The following TBC1D1 variants were observed in gnomAD, a reference collection of about 807,000 sequenced individuals.
The protein encoded by TBC1D1 is TBC1 (tre-2/USP6, BUB2, cdc16) domain family, member 1.
A neutral mutation model predicts 125.6 loss-of-function variants in TBC1D1; 89 were observed. The observed-to-expected ratio is 0.71, with a 90% CI of 0.60 to 0.85. The LOEUF is 0.85. Ranked by LOEUF, TBC1D1 falls within the 40% of genes least tolerant of loss-of-function variation. The probability of loss-of-function intolerance (pLI) is 0.00; values close to 1 mark genes in which losing one functional copy is unlikely to be tolerated. For missense variants in TBC1D1, 1,377 were observed against 1,469.2 expected, an observed-to-expected ratio of 0.94 and a Z score of 1.03; for synonymous variants, 565 against 564.1, an observed-to-expected ratio of 1.00 and a Z score of -0.02.
At chr4:38,025,814 C>T (rs751584127) in intron 6 of TBC1D1, among the ~76,000 whole-genome samples, 1 of 152,162 alleles carries the variant, frequency 6.6e-6, no homozygotes, top group South Asian at 2.1e-4. Context: ...TTGTCTGTTT[C>T]CCTGGCTTCA....
At chr4:37,894,480 A>G (rs957418479) in intron 1 of TBC1D1, among the ~76,000 whole-genome samples, 3 of 152,230 alleles carry the variant, frequency 2.0e-5, no homozygotes, top group African/African-American at 7.2e-5. Flanking sequence ...ACAAAGAGGC[A>G]TTTAATTTTG....
In TBC1D1 at chr4:38,133,263, G is replaced by A; in HGVS notation, c.3306+6G>A. The A allele has an allele frequency of 5.6e-6, 9 of 1,607,764 alleles. No homozygotes were observed. The highest frequency in any genetic ancestry group is 6.8e-6 in the Non-Finnish European group (8 of 1,177,920). On this transcript the variant is annotated splice_donor_region_variant and intron_variant, in intron 19 of 19. Coordinates refer to ENST00000261439, the MANE Select transcript of TBC1D1 (RefSeq NM_015173.4). ...ACCTCCTTGAACAGTTGCAGGTAGA[G>A]CATATTTATAAAGCAGCTTCCTGAA...
chr4:38,023,984 T>A (rs553792084), intron 6 of TBC1D1, among the ~76,000 whole-genome samples: 20 of 152,322 alleles, frequency 1.3e-4, no homozygotes, highest in Non-Finnish European at 2.9e-4. Flanking sequence ...TTTGCTACTT[T>A]CTGTTTTTGT....
chr4:38,102,848 TGCAGCTCGGGTGACAAAGCCAGA>T, intron 14 of TBC1D1, 128 bp from the exon 17 acceptor site: 1 of 822,590 alleles, frequency 1.2e-6, no homozygotes, highest in African/African-American at 1.8e-5. Flanking sequence ...GCCTCTGCAC[TGCAGCTCGGGTGACAAAGCCAGA>T]CTCTGTCTCA....
chr4:38,054,449 G>A, intron 12 of TBC1D1, 111 bp downstream of exon 14: 3 of 1,370,068 alleles, frequency 2.2e-6, no homozygotes, highest in Non-Finnish European at 3.0e-6. Context: ...AGTATTGGCA[G>A]GTCTGAGGCA....
intron 7 of TBC1D1, among the ~76,000 whole-genome samples, chr4:38,031,154 G>C (rs2152452296): frequency 6.6e-6 from 1 of 152,316 alleles, no homozygotes; most frequent in South Asian, 2.1e-4. Flanking sequence ...GATCATCTCA[G>C]GATAAGAATT....
chr4:37,944,490 G>A (rs963346796), intron 2 of TBC1D1, among the ~76,000 whole-genome samples: 40 of 152,320 alleles, frequency 2.6e-4, no homozygotes, highest in African/African-American at 7.2e-4. Flanking sequence ...CACCCAGTTC[G>A]AGCTTCCCGG....
intron 12 of TBC1D1, among the ~76,000 whole-genome samples, chr4:38,067,844 A>G (rs1051294842): frequency 6.6e-6 from 1 of 152,158 alleles, no homozygotes; most frequent in African/African-American, 2.4e-5. Context: ...GGTGGCAGGT[A>G]TGGCCCTCCT....
At chr4:38,095,893 G>A in intron 13 of TBC1D1, 36 bp from the exon 16 acceptor site, 1 of 1,579,276 alleles carries the variant, frequency 6.3e-7, no homozygotes, top group East Asian at 2.2e-5. Flanking sequence ...CATAGCTGTA[G>A]CCTTTACTAA....
chr4:37,992,811 T>C (rs1220656011), intron 2 of TBC1D1, among the ~76,000 whole-genome samples: 1 of 147,408 alleles, frequency 6.8e-6, no homozygotes, highest in Admixed American at 6.8e-5. Context: ...TTTTTTTTTT[T>C]TTCTTTTTTT....
intron 2 of TBC1D1, among the ~76,000 whole-genome samples, chr4:37,970,902 G>A (rs1731876704): frequency 6.6e-6 from 1 of 152,050 alleles, no homozygotes; most frequent in South Asian, 2.1e-4. Flanking sequence ...CAAGCTGGCA[G>A]AGTGAGGTCA....
intron 2 of TBC1D1, 85 bp downstream of exon 2, chr4:37,902,597 C>T (rs765745745): frequency 9.1e-6 from 10 of 1,104,418 alleles, no homozygotes; most frequent in Non-Finnish European, 1.3e-5. Context: ...TTTAAGTATA[C>T]TGAAATGAAT....
chr4:38,062,718 A>G (rs1752993093), intron 12 of TBC1D1, among the ~76,000 whole-genome samples: 1 of 148,894 alleles, frequency 6.7e-6, no homozygotes, highest in South Asian at 2.1e-4. Context: ...TCGACTTGCT[A>G]TTTTTGTGCC....
chr4:38,137,284 G>T lies in TBC1D1; in HGVS notation c.3456G>T (p.Glu1152Asp). The stretch of plus-strand genomic sequence containing the variant: ...AGGAGCTGCGGCGGCGGAGCGCAGA[G>T]CCCAGCGACCGGGAGCCTGAGTGCA... The change falls in exon 20 of 20, where the codon GAG becomes GAT. Residue 1152 changes from glutamate to aspartate, a missense_variant. By Grantham distance (45) the Glu-to-Asp change is conservative (BLOSUM62 2). Around this residue, in one of 3 missense-constraint regions of TBC1D1, gnomAD observed 543 missense variants for 613.5 expected, o/e 0.89. Transcript: ENST00000261439. 1 of 1,611,594 alleles carries T rather than the reference G, an allele frequency of 6.2e-7. No individual in the cohort carries two copies. The highest frequency in any genetic ancestry group is 8.5e-7 in the Non-Finnish European group (1 of 1,179,894).
chr4:37,987,906 T>C (rs570579158), intron 2 of TBC1D1, among the ~76,000 whole-genome samples: 42 of 152,360 alleles, frequency 2.8e-4, no homozygotes, highest in African/African-American at 9.1e-4. Flanking sequence ...TAGGAGTCGA[T>C]TCTGCATAGA....
rs542748232 is a variant in TBC1D1, at chr4:37,977,705, A to G, written c.418-36804A>G. On this transcript the variant is annotated intron_variant, in intron 2 of 19. Transcript: ENST00000261439. The surrounding 1 kb of genome is among the most constrained non-coding windows in gnomAD (Gnocchi z 4.3). ...CGCGTTTCTCATTCATTAGTCTCCC[A>G]GATCCCTGTGGGGAGGACGGGCGAG... is the stretch of plus-strand genomic sequence containing the variant. Among the ~76,000 whole-genome samples the G allele has an allele frequency of 1.2e-4, 19 of 152,156 alleles. No individual in the cohort carries two copies. The highest frequency in any genetic ancestry group is 4.3e-4 in the African/African-American group (18 of 41,556).
intron 12 of TBC1D1, among the ~76,000 whole-genome samples, chr4:38,076,575 C>T (rs1230356405): frequency 1.3e-5 from 2 of 152,000 alleles, no homozygotes; most frequent in South Asian, 2.1e-4. Flanking sequence ...GAGGTACACA[C>T]GACACACTGC....
At chr4:38,058,494 C>T (rs901887140) in intron 12 of TBC1D1, among the ~76,000 whole-genome samples, 9 of 147,200 alleles carry the variant, frequency 6.1e-5, no homozygotes, top group Non-Finnish European at 9.3e-5. Flanking sequence ...CCGCTGGACT[C>T]ACTGCATTCC....
intron 2 of TBC1D1, among the ~76,000 whole-genome samples, chr4:37,974,908 C>T (rs1398415263): frequency 6.6e-6 from 1 of 152,156 alleles, no homozygotes; most frequent in Non-Finnish European, 1.5e-5. Context: ...GATAAAACCA[C>T]AAGGGTGGAA....
Sources: gnomAD v4.1 joint callset for allele counts (sites outside exome capture counted in the v4.1 genomes callset) on GRCh38, gnomAD v4.1.1 for gene constraint, gnomAD v4.1.1 regional missense constraint, Gnocchi (gnomAD v3.1) non-coding constraint, MANE v1.5 for transcripts, NCBI Gene and HGNC (gene_info 2026-07-23, HGNC 2026-07-21) for gene names.